Variants in LRP1B observed in about 807,000 individuals in gnomAD.
LRP1B encodes LDL receptor related protein 1B.
In LRP1B, 217 loss-of-function variants were observed where a neutral mutation model predicts 556.6. The ratio of observed to expected loss-of-function variants is 0.39; its 90% confidence interval spans 0.35 to 0.44. LRP1B has a LOEUF of 0.44. Among genes scored for constraint, LRP1B ranks in the 20% least tolerant of loss-of-function variants. The pLI is 1.00. For missense variants in LRP1B, 5,053 were observed against 5,620.8 expected, an observed-to-expected ratio of 0.90 and a Z score of 3.23; for synonymous variants, 2,047 against 1,865.8, an observed-to-expected ratio of 1.10 and a Z score of -2.50.
At chr2:141,959,842 T>C (rs1701353335) in intron 1 of LRP1B, among the ~76,000 whole-genome samples, 1 of 151,934 alleles carries the variant, frequency 6.6e-6, no homozygotes, top group Non-Finnish European at 1.5e-5. Flanking sequence ...AGCTACTGCA[T>C]TGGCCAGCAC....
At chr2:141,980,153 G>A (rs1702003670) in intron 1 of LRP1B, among the ~76,000 whole-genome samples, 1 of 152,092 alleles carries the variant, frequency 6.6e-6, no homozygotes, top group Admixed American at 6.6e-5. Context: ...TTACTCTTGA[G>A]TTATTAGCAA....
intron 1 of LRP1B, among the ~76,000 whole-genome samples, chr2:142,091,714 C>T (rs1311446974): frequency 6.6e-6 from 1 of 152,176 alleles, no homozygotes; most frequent in Middle Eastern, 3.4e-3. Flanking sequence ...TTCAGGTAGA[C>T]AATGTGTTAA....
chr2:141,329,397 A>G (rs535013174), intron 3 of LRP1B, among the ~76,000 whole-genome samples: 3 of 148,274 alleles, frequency 2.0e-5, no homozygotes, highest in Non-Finnish European at 4.5e-5. Context: ...AAAAAAAAAA[A>G]AAAAAGGGAG....
Position 140,859,586 on chromosome 2 carries a change from T to A in LRP1B, c.4580-7803A>T, listed in dbSNP as rs541740798. On this transcript the variant is annotated intron_variant, in intron 27 of 90. Transcript: ENST00000389484. Reference sequence around the variant, plus strand: ...ATGGACAGTGGGATTTTAAAAAAAATGATTTTAAAAGTTAAAGAAATAATT... The same window carrying A: ...ATGGACAGTGGGATTTTAAAAAAAAAGATTTTAAAAGTTAAAGAAATAATT... Among the ~76,000 whole-genome samples, 8 of 152,248 alleles carry A rather than the reference T, an allele frequency of 5.3e-5. No individual in the cohort carries two copies. The East Asian group carries it at 9.7e-4, about 18-fold the overall frequency.
intron 1 of LRP1B, among the ~76,000 whole-genome samples, chr2:142,072,680 G>A (rs1705364350): frequency 6.6e-6 from 1 of 151,948 alleles, no homozygotes; most frequent in African/African-American, 2.4e-5. Flanking sequence ...GTGGCCCAGG[G>A]AAGCCAAAAG....
chr2:141,147,898 C>T lies in LRP1B; in HGVS notation c.1013+40523G>A, dbSNP rs1170891356. 1.4e-4 allele frequency among the ~76,000 whole-genome samples: 21 copies of T among 152,238 alleles called. No individual in the cohort carries two copies. In the East Asian group the frequency reaches 4.1e-3, roughly 29 times the overall value. ...TCTATGTTTAGATACACAAATGCTT[C>T]TCGTTGTGTTATAACTGTCTACAGC... On this transcript the variant is annotated intron_variant, in intron 7 of 90. Transcript: ENST00000389484.
At chr2:140,944,712 C>T (rs1298733164) in intron 20 of LRP1B, among the ~76,000 whole-genome samples, 1 of 152,058 alleles carries the variant, frequency 6.6e-6, no homozygotes, top group East Asian at 1.9e-4. Flanking sequence ...AATCCAACAT[C>T]CTTTCATGAT....
At chr2:140,860,262 G>A (rs1215277309) in intron 27 of LRP1B, among the ~76,000 whole-genome samples, 1 of 152,164 alleles carries the variant, frequency 6.6e-6, no homozygotes, top group Non-Finnish European at 1.5e-5. Context: ...TGGAGACTGA[G>A]TTAGAGTATA....
chr2:141,137,320 T>C (rs768228231), intron 7 of LRP1B, among the ~76,000 whole-genome samples: 2 of 151,892 alleles, frequency 1.3e-5, no homozygotes, highest in Non-Finnish European at 2.9e-5. Flanking sequence ...TGCATATATG[T>C]CATCATTCCT....
intron 1 of LRP1B, 71 bp from the exon 2 acceptor site, chr2:141,810,472 G>A (rs2105708188): frequency 6.6e-7 from 1 of 1,510,800 alleles, no homozygotes; most frequent in Non-Finnish European, 9.1e-7. Flanking sequence ...GTACAAACAT[G>A]AAATGTGAAA....
intron 85 of LRP1B, 78 bp downstream of exon 85, chr2:140,274,346 T>G: frequency 7.7e-7 from 1 of 1,293,548 alleles, no homozygotes; most frequent in Non-Finnish European, 1.1e-6. Flanking sequence ...ATCTACAAAG[T>G]TTTTACTATT....
At chr2:141,307,283 G>T (rs1022729843) in intron 3 of LRP1B, among the ~76,000 whole-genome samples, 3 of 151,832 alleles carry the variant, frequency 2.0e-5, no homozygotes, top group Admixed American at 1.3e-4. Context: ...ATATATCTGG[G>T]TACTCCAGTG....
At chr2:141,200,625 A>G (rs1302574189) in intron 6 of LRP1B, among the ~76,000 whole-genome samples, 3 of 152,160 alleles carry the variant, frequency 2.0e-5, no homozygotes, top group Non-Finnish European at 2.9e-5. Flanking sequence ...GTACACACAC[A>G]TACATACACG....
At chr2:141,992,336 G>T (rs1205625796) in intron 1 of LRP1B, among the ~76,000 whole-genome samples, 1 of 152,020 alleles carries the variant, frequency 6.6e-6, no homozygotes, top group East Asian at 1.9e-4. Context: ...GGAAAGATGA[G>T]AACTTAATGA....
chr2:141,095,095 C>A (rs1435850299), intron 7 of LRP1B, among the ~76,000 whole-genome samples: 1 of 152,098 alleles, frequency 6.6e-6, no homozygotes, highest in African/African-American at 2.4e-5. Context: ...TCTCTCTGTG[C>A]TTTTTATCTC....
At chr2:140,979,525 A>G (rs1696702495) in intron 18 of LRP1B, among the ~76,000 whole-genome samples, 1 of 152,126 alleles carries the variant, frequency 6.6e-6, no homozygotes, top group Non-Finnish European at 1.5e-5. Flanking sequence ...TATCATCCTA[A>G]TTCCACATTC....
intron 3 of LRP1B, among the ~76,000 whole-genome samples, chr2:141,433,078 T>C (rs1680624566): frequency 6.6e-6 from 1 of 152,076 alleles, no homozygotes; most frequent in African/African-American, 2.4e-5. Flanking sequence ...ATTTTGGTGT[T>C]TATGTTTTCA....
intron 41 of LRP1B, among the ~76,000 whole-genome samples, chr2:140,676,583 G>T (rs553932288): frequency 6.6e-6 from 1 of 152,216 alleles, no homozygotes; most frequent in African/African-American, 2.4e-5. Flanking sequence ...TTACAAGTTT[G>T]ACTTTTTAAA....
At chr2:140,255,031 C>G (rs1681615758) in intron 86 of LRP1B, among the ~76,000 whole-genome samples, 1 of 152,040 alleles carries the variant, frequency 6.6e-6, no homozygotes, top group South Asian at 2.1e-4. Flanking sequence ...AAAAATAATG[C>G]AATCAAAAAT....
Sources: allele counts gnomAD v4.1 joint callset (sites outside exome capture counted in the v4.1 genomes callset), GRCh38; gene constraint gnomAD v4.1.1; transcripts MANE v1.5; gene names NCBI Gene and HGNC (gene_info 2026-07-23, HGNC 2026-07-21).